Variants in DIAPH3 observed in about 807,000 individuals in gnomAD.
The protein encoded by DIAPH3 is protein diaphanous homolog 3.
In DIAPH3, 117 loss-of-function variants were observed where a neutral mutation model predicts 144.3. The observed-to-expected ratio is 0.81, with a 90% CI of 0.70 to 0.95. The LOEUF (loss-of-function observed/expected upper bound fraction) is 0.95. Ranked by LOEUF, DIAPH3 falls within the 40% of genes least tolerant of loss-of-function variation. The pLI is 0.00. For missense variants in DIAPH3, 1,421 were observed against 1,412.7 expected (o/e 1.01, Z -0.09); for synonymous variants, 519 against 488.9 (o/e 1.06, Z -0.81).
intron 5 of DIAPH3, among the ~76,000 whole-genome samples, chr13:60,032,920 AC>A (rs2054913444): frequency 6.6e-6 from 1 of 152,184 alleles, no homozygotes; most frequent in South Asian, 2.1e-4. Context: ...CTTTGCTCCA[AC>A]ATTGGAACAT....
intron 24 of DIAPH3, among the ~76,000 whole-genome samples, chr13:59,815,211 T>A (rs572847687): frequency 6.6e-6 from 1 of 152,320 alleles, no homozygotes; most frequent in Non-Finnish European, 1.5e-5. Flanking sequence ...GTGTGTTGCT[T>A]CATTTTATGG....
chr13:59,790,042 A>G (rs892447287), intron 25 of DIAPH3, among the ~76,000 whole-genome samples: 1 of 152,232 alleles, frequency 6.6e-6, no homozygotes, highest in Non-Finnish European at 1.5e-5. Flanking sequence ...GTTTAATTCA[A>G]TTCTACAAAG....
At chr13:59,744,679 CAG>C (rs1297375532) in intron 27 of DIAPH3, among the ~76,000 whole-genome samples, 17 of 152,156 alleles carry the variant, frequency 1.1e-4, no homozygotes, top group African/African-American at 4.1e-4. Flanking sequence ...ACCACGTTTA[CAG>C]AGAGGTATAA....
At chr13:59,730,959 T>G (rs1242165675) in intron 27 of DIAPH3, among the ~76,000 whole-genome samples, 1 of 152,162 alleles carries the variant, frequency 6.6e-6, no homozygotes, top group South Asian at 2.1e-4. Flanking sequence ...CCTGCTAATT[T>G]CTCTAACTGC....
chr13:59,689,807 G>GTA (rs1257164072), intron 27 of DIAPH3, among the ~76,000 whole-genome samples: 3 of 151,722 alleles, frequency 2.0e-5, no homozygotes, highest in Non-Finnish European at 2.9e-5. Context: ...GTGTGTGTGT[G>GTA]TGTATGTATG....
intron 27 of DIAPH3, among the ~76,000 whole-genome samples, chr13:59,764,442 T>C (rs1332797284): frequency 6.6e-6 from 1 of 151,370 alleles, no homozygotes. Flanking sequence ...GATCAGTCCA[T>C]TTGCCACTGG....
rs1428883909 is a variant in DIAPH3 at position 59,810,994 on chromosome 13, GA to G, written c.3028-72del. The G allele has an allele frequency of 3.0e-6, 4 of 1,354,500 alleles. No homozygotes were observed. In the East Asian group the frequency reaches 9.2e-5, roughly 31 times the overall value. 83.9% of individuals were successfully genotyped at this position (1,354,500 alleles called of 1,614,324 possible). On this transcript the variant is annotated intron_variant, in intron 24 of 27. Coordinates refer to ENST00000400324, the MANE Select transcript of DIAPH3 (RefSeq NM_001042517.2). Reference sequence around the variant, plus strand: ...CCGCAAAATGGAAAGTTATCTATTTGAAAATATGCTTAAGGTAGAAACATGA... The same window carrying G: ...CCGCAAAATGGAAAGTTATCTATTTGAAATATGCTTAAGGTAGAAACATGA...
chr13:59,822,964 T>C (rs1358980046), intron 24 of DIAPH3, among the ~76,000 whole-genome samples: 1 of 152,138 alleles, frequency 6.6e-6, no homozygotes, highest in East Asian at 1.9e-4. Context: ...TTAATATATC[T>C]TATTATTATG....
intron 20 of DIAPH3, among the ~76,000 whole-genome samples, chr13:59,893,128 A>G (rs2045906339): frequency 6.6e-6 from 1 of 152,160 alleles, no homozygotes; most frequent in Admixed American, 6.6e-5. Flanking sequence ...TGGCAAATAC[A>G]AAAATACATA....
chr13:59,781,140 C>A (rs2038717028), intron 25 of DIAPH3, among the ~76,000 whole-genome samples: 1 of 152,110 alleles, frequency 6.6e-6, no homozygotes, highest in Admixed American at 6.5e-5. Flanking sequence ...CAAAGAAGAT[C>A]CTAAAAGGTT....
At chr13:59,924,480 C>G (rs1555632) in intron 18 of DIAPH3, among the ~76,000 whole-genome samples, 83,112 of 150,086 alleles carry the variant, frequency 0.55, 23,376 homozygotes, top group Admixed American at 0.6. Context: ...TTCCTTAAGT[C>G]TTTATTTTTA....
chr13:59,850,109 GCTCT>G (rs1173930947), intron 22 of DIAPH3, among the ~76,000 whole-genome samples: 1 of 150,964 alleles, frequency 6.6e-6, no homozygotes, highest in East Asian at 2.0e-4. Context: ...TCATGATTTG[GCTCT>G]CTGTTTGTCT....
chr13:59,871,044 A>C (rs540508421), intron 21 of DIAPH3, among the ~76,000 whole-genome samples: 1 of 152,274 alleles, frequency 6.6e-6, no homozygotes, highest in South Asian at 2.1e-4. Flanking sequence ...GTTACTAAGA[A>C]AATGATACAC....
intron 25 of DIAPH3, among the ~76,000 whole-genome samples, chr13:59,801,053 C>T (rs149258203): frequency 6.6e-6 from 1 of 152,190 alleles, no homozygotes; most frequent in Non-Finnish European, 1.5e-5. Flanking sequence ...CTTTTATTCA[C>T]ACGTGAATCC....
At position 60,008,685 on chromosome 13, in the gene DIAPH3, G is replaced by A. The variant is rs139473204; in HGVS notation, c.909-36C>T. The A allele has an allele frequency of 2.3e-6, 3 of 1,310,910 alleles. No homozygotes were observed. In the African/African-American group the frequency reaches 4.3e-5, roughly 19 times the overall value. 81.2% of individuals were successfully genotyped at this position (1,310,910 alleles called of 1,614,324 possible). A position where few individuals can be genotyped will look rare whatever the true frequency, so the allele number is the denominator to read the frequency against. On this transcript the variant is annotated intron_variant, in intron 8 of 27. Coordinates refer to ENST00000400324, the MANE Select transcript of DIAPH3 (RefSeq NM_001042517.2). Reference sequence around the variant, plus strand: ...ATTTGAGTCAATTAAATTGCAAGTAGCAAACACAAATGCCATAATACAATT... The same window carrying A: ...ATTTGAGTCAATTAAATTGCAAGTAACAAACACAAATGCCATAATACAATT...
At chr13:59,879,737 G>A (rs933180325) in intron 20 of DIAPH3, among the ~76,000 whole-genome samples, 2 of 152,012 alleles carry the variant, frequency 1.3e-5, no homozygotes, top group African/African-American at 4.8e-5. Context: ...AATAAAGTAA[G>A]CATTTTTTAA....
chr13:60,130,890 A>G (rs1376500954), intron 2 of DIAPH3, among the ~76,000 whole-genome samples: 2 of 152,168 alleles, frequency 1.3e-5, no homozygotes, highest in African/African-American at 2.4e-5. Flanking sequence ...GAAAGAACTA[A>G]GAAAGTCCTC....
intron 20 of DIAPH3, among the ~76,000 whole-genome samples, chr13:59,893,687 T>A (rs1422987604): frequency 6.6e-6 from 1 of 152,068 alleles, no homozygotes; most frequent in East Asian, 1.9e-4. Flanking sequence ...GAAAAAGCCC[T>A]CTATGTTGCA....
intron 27 of DIAPH3, among the ~76,000 whole-genome samples, chr13:59,703,775 C>A (rs542918302): frequency 6.6e-6 from 1 of 152,238 alleles, no homozygotes; most frequent in East Asian, 1.9e-4. Context: ...AATGTCCTAT[C>A]TCTTAGCATG....
Sources: allele counts gnomAD v4.1 joint callset (sites outside exome capture counted in the v4.1 genomes callset), GRCh38; gene constraint gnomAD v4.1.1; transcripts MANE v1.5; gene names NCBI Gene and HGNC (gene_info 2026-07-23, HGNC 2026-07-21).